The following SCN8A variants were observed in gnomAD, a reference collection of about 807,000 sequenced individuals.
The protein encoded by SCN8A is sodium channel protein type 8 subunit alpha.
In SCN8A, 30 loss-of-function variants were observed where a neutral mutation model predicts 184.1. That is an observed-to-expected ratio of 0.16 (90% confidence interval 0.12 to 0.22). The LOEUF (loss-of-function observed/expected upper bound fraction) is 0.22. SCN8A is among the 10% of genes least tolerant of loss of function. SCN8A has a pLI of 1.00. For missense variants in SCN8A, 1,057 were observed against 2,498.9 expected (o/e 0.42, Z 12.30); for synonymous variants, 852 against 907.0 (o/e 0.94, Z 1.09).
intron 6 of SCN8A, among the ~76,000 whole-genome samples, chr12:51,693,090 T>C (rs1042949326): frequency 1.3e-5 from 2 of 152,234 alleles, no homozygotes; most frequent in Non-Finnish European, 2.9e-5. Context: ...GGGAAAATGA[T>C]AGGCCTTTCT....
chr12:51,743,805 C>T (rs531305245), intron 12 of SCN8A, among the ~76,000 whole-genome samples: 4 of 152,218 alleles, frequency 2.6e-5, no homozygotes, highest in East Asian at 3.9e-4. Flanking sequence ...ACATGTTGTC[C>T]GGAAGCCAGG....
intron 1 of SCN8A, among the ~76,000 whole-genome samples, chr12:51,635,550 TTAAAC>T (rs138071539): frequency 1.3e-5 from 2 of 152,298 alleles, no homozygotes; most frequent in African/African-American, 2.4e-5. Flanking sequence ...ATGGGAAACT[TTAAAC>T]TAGGTTTTTT....
Position 51,679,767 on chromosome 12 carries a change from C to A in SCN8A, c.277-4407C>A, listed in dbSNP as rs368377056. Among the ~76,000 whole-genome samples, 13 of 138,814 alleles carry A rather than the reference C, an allele frequency of 9.4e-5. No homozygotes were observed. The South Asian group carries it at 1.4e-3, about 15-fold the overall frequency. The allele number at this position is 138,814 out of a possible 152,430, so 91.1% of individuals were successfully genotyped here. A position where few individuals can be genotyped will look rare whatever the true frequency, so the allele number is the denominator to read the frequency against. ...TTGAGACGGAGTCTCGCTCTGTTGCCCAGGCTGGAGTGCAGTGGTGCAATC... is the reference window on the plus strand; with the variant it reads ...TTGAGACGGAGTCTCGCTCTGTTGCACAGGCTGGAGTGCAGTGGTGCAATC... On this transcript the variant is annotated intron_variant, in intron 2 of 26. Coordinates refer to ENST00000627620, the MANE Select transcript of SCN8A (RefSeq NM_001330260.2).
intron 11 of SCN8A, among the ~76,000 whole-genome samples, chr12:51,715,034 T>C (rs1001468836): frequency 1.3e-5 from 2 of 152,144 alleles, no homozygotes; most frequent in Non-Finnish European, 2.9e-5. Context: ...AAATTGAGAT[T>C]GAGGAAGGGT....
At chr12:51,789,208 C>A in intron 23 of SCN8A, 73 bp from the exon 24 acceptor site, 1 of 1,536,732 alleles carries the variant, frequency 6.5e-7, no homozygotes, top group Admixed American at 1.8e-5. Context: ...GTCACAGTTA[C>A]GGCTGATGGC....
chr12:51,710,601 G>A (rs890211058), intron 11 of SCN8A, among the ~76,000 whole-genome samples: 3 of 152,162 alleles, frequency 2.0e-5, no homozygotes, highest in South Asian at 2.1e-4. Flanking sequence ...TGAAGCTGCA[G>A]TGAGCTGTGA....
At chr12:51,656,000 A>G (rs1940815411) in intron 1 of SCN8A, among the ~76,000 whole-genome samples, 1 of 152,226 alleles carries the variant, frequency 6.6e-6, no homozygotes, top group Non-Finnish European at 1.5e-5. Flanking sequence ...AGCCTCTCTT[A>G]TATAACTTAT....
At chr12:51,651,844 A>G (rs899149459) in intron 1 of SCN8A, among the ~76,000 whole-genome samples, 4 of 152,162 alleles carry the variant, frequency 2.6e-5, no homozygotes, top group Admixed American at 1.3e-4. Context: ...TATCCTGCCA[A>G]TTTCTCCAGG....
chr12:51,709,480 A>T (rs1941838229), intron 11 of SCN8A, among the ~76,000 whole-genome samples: 1 of 152,218 alleles, frequency 6.6e-6, no homozygotes, highest in Non-Finnish European at 1.5e-5. Flanking sequence ...GAGAGTAGCG[A>T]TGTTGGAGAA....
chr12:51,758,984 A>G (rs303768), intron 14 of SCN8A, among the ~76,000 whole-genome samples: 110,650 of 150,052 alleles, frequency 0.74, 43,211 homozygotes, highest in East Asian at 0.91. Flanking sequence ...ATGTATGTAT[A>G]TGTGTGTGTG....
intron 1 of SCN8A, among the ~76,000 whole-genome samples, chr12:51,597,574 CAAAATT>C (rs771811760): frequency 1.3e-5 from 2 of 152,000 alleles, no homozygotes. Context: ...GAGAAAAAGT[CAAAATT>C]AAAATGTTAC....
intron 3 of SCN8A, among the ~76,000 whole-genome samples, chr12:51,685,415 GCT>G (rs1285352794): frequency 1.3e-5 from 2 of 152,152 alleles, no homozygotes; most frequent in Non-Finnish European, 2.9e-5. Flanking sequence ...GCTCTAATTG[GCT>G]CTAATTGTCT....
At chr12:51,647,346 A>C (rs931866162) in intron 1 of SCN8A, among the ~76,000 whole-genome samples, 6 of 152,226 alleles carry the variant, frequency 3.9e-5, no homozygotes, top group Admixed American at 3.9e-4. Context: ...ACATACATGT[A>C]AGTCAACCAA....
In SCN8A at chr12:51,687,774, T is replaced by C. The variant is rs191024540; in HGVS notation, c.614+555T>C. The stretch of plus-strand genomic sequence containing the variant: ...AGATCAGTGTAACTCCACATTGGTA[T>C]GTTACTGCTCTTGCTCATTTGTGTT... On this transcript the variant is annotated intron_variant, in intron 5 of 26. Transcript: ENST00000627620. 3.0e-4 allele frequency among the ~76,000 whole-genome samples: 46 copies of C among 152,338 alleles called. No individual in the cohort carries two copies. The East Asian group carries it at 8.9e-3, about 29-fold the overall frequency.
intron 1 of SCN8A, among the ~76,000 whole-genome samples, chr12:51,614,775 C>G (rs1565859937): frequency 1.6e-5 from 2 of 121,248 alleles, no homozygotes; most frequent in Non-Finnish European, 3.3e-5. Context: ...AGATAGCATA[C>G]TGTATGTTCT....
At chr12:51,697,733 T>C (rs1296124048) in intron 6 of SCN8A, among the ~76,000 whole-genome samples, 8 of 152,274 alleles carry the variant, frequency 5.3e-5, no homozygotes, top group Non-Finnish European at 7.3e-5. Flanking sequence ...AGGTTGGTAT[T>C]GTAAATCCAT....
chr12:51,606,033 C>T (rs1428873766), intron 1 of SCN8A, among the ~76,000 whole-genome samples: 1 of 152,020 alleles, frequency 6.6e-6, no homozygotes, highest in Non-Finnish European at 1.5e-5. Context: ...AGATTTTCTC[C>T]TCTGTGGGTT....
At chr12:51,602,884 T>C (rs536643220) in intron 1 of SCN8A, among the ~76,000 whole-genome samples, 4 of 152,198 alleles carry the variant, frequency 2.6e-5, no homozygotes, top group Non-Finnish European at 5.9e-5. Context: ...ATAAAACTAA[T>C]ATTTGAAAAG....
intron 1 of SCN8A, 123 bp from the exon 2 acceptor site, chr12:51,662,641 T>C: frequency 3.2e-6 from 2 of 629,572 alleles, no homozygotes; most frequent in Non-Finnish European, 5.5e-6. Flanking sequence ...AAGCATGTCA[T>C]GGAAGAAACT....
Sources: gnomAD v4.1 joint callset for allele counts (sites outside exome capture counted in the v4.1 genomes callset) on GRCh38, gnomAD v4.1.1 for gene constraint, MANE v1.5 for transcripts, NCBI Gene and HGNC (gene_info 2026-07-23, HGNC 2026-07-21) for gene names.